Variants in ANKRD24 observed in about 807,000 individuals in gnomAD.
ANKRD24 encodes ankyrin repeat domain 24.
Under a neutral mutation model 127.8 loss-of-function variants are expected in ANKRD24, and 109 were observed. The observed-to-expected ratio is 0.85, with a 90% CI of 0.73 to 1.00. ANKRD24 has a LOEUF of 1.00. Among genes scored for constraint, ANKRD24 ranks in the 50% least tolerant of loss-of-function variants. ANKRD24 has a pLI of 0.00. For synonymous variants in ANKRD24, 743 were observed against 671.1 expected, an observed-to-expected ratio of 1.11 and a Z score of -1.66; for missense variants, 1,648 against 1,570.2, an observed-to-expected ratio of 1.05 and a Z score of -0.84.
At chr19:4,193,764 G>A (rs1458050220) in intron 2 of ANKRD24, among the ~76,000 whole-genome samples, 1 of 148,752 alleles carries the variant, frequency 6.7e-6, no homozygotes, top group Non-Finnish European at 1.5e-5. Flanking sequence ...TTGAAGCCGG[G>A]AGGTGGAGTT....
intron 1 of ANKRD24, chr19:4,183,253 T>A: frequency 1.0e-6 from 1 of 962,214 alleles, no homozygotes; most frequent in Non-Finnish European, 1.2e-6. Context: ...GTGCTGGGAT[T>A]ACAGGCGTGA....
intron 18 of ANKRD24, among the ~76,000 whole-genome samples, chr19:4,218,543 A>T (rs1970263276): frequency 6.6e-6 from 1 of 151,750 alleles, no homozygotes; most frequent in Non-Finnish European, 1.5e-5. Flanking sequence ...CAGGTGATCC[A>T]CCCACCTCAG....
At chr19:4,207,007 G>T (rs1398779659) in intron 7 of ANKRD24, 2 of 566,486 alleles carry the variant, frequency 3.5e-6, no homozygotes, top group African/African-American at 3.8e-5. Context: ...CTGAGCTCAA[G>T]CGGTCCTCCC....
rs1970640148 is a variant in ANKRD24, at chr19:4,224,608, T to C, written c.*103T>C. The C allele has an allele frequency of 5.3e-6, 6 of 1,135,698 alleles. No individual in the cohort carries two copies. Among genetic ancestry groups the C allele is most frequent in the Non-Finnish European group, 7.6e-6 (6 of 784,344 alleles). 70.4% of individuals were successfully genotyped at this position (1,135,698 alleles called of 1,614,324 possible). On this transcript the variant is annotated 3_prime_UTR_variant, in exon 22 of 22. Transcript: ENST00000318934. ...CTTCACTTGGCTTCACTTGGCCCTA[T>C]CCAGGCCCATGCACTTGGAGACCAG... is the stretch of plus-strand genomic sequence containing the variant.
chr19:4,210,346 C>T lies in ANKRD24; in HGVS notation c.1033C>T (p.Gln345Ter), dbSNP rs1342763362. 1.3e-6 allele frequency: 2 copies of T among 1,571,840 alleles called. No individual in the cohort carries two copies. The highest frequency in any genetic ancestry group is 1.2e-5 in the South Asian group (1 of 85,208). ...CCTGCAGAAGATCCGGGGCCTGGAA[C>T]AGCACAAGGAACGGAGGCAGCAGGA... is the stretch of plus-strand genomic sequence containing the variant. Reference protein sequence around the residue: ...RLLQKIRGLEQHKERRQQESP... With the variant: ...RLLQKIRGLE The change falls in exon 13 of 22, where the codon CAG becomes TAG. Residue 345 changes from glutamine (Q) to a stop codon, truncating the protein, a stop_gained. Coordinates refer to ENST00000318934, the MANE Select transcript of ANKRD24 (RefSeq NM_001393985.1). LOFTEE classifies it high-confidence loss of function.
chr19:4,203,648 C>T (rs1241252079), intron 7 of ANKRD24, among the ~76,000 whole-genome samples: 1 of 151,884 alleles, frequency 6.6e-6, no homozygotes, highest in Non-Finnish European at 1.5e-5. Flanking sequence ...CTCACCTAGC[C>T]TCCTCCTTTT....
rs781502550 is a variant in ANKRD24 at position 4,199,791 on chromosome 19, G to A, written c.123+22G>A. 1 of 1,529,022 alleles carries A rather than the reference G, an allele frequency of 6.5e-7. No individual in the cohort carries two copies. The highest frequency in any genetic ancestry group is 8.8e-7 in the Non-Finnish European group (1 of 1,138,788). 94.7% of individuals were successfully genotyped at this position (1,529,022 alleles called of 1,614,324 possible). On this transcript the variant is annotated intron_variant, in intron 3 of 21. Transcript: ENST00000318934. This position sits in a 1 kb window ranked among gnomAD's most constrained non-coding sequence, Gnocchi z 5.2. ...CCAGGCAAGTGCCCAGGGGCAGGTG[G>A]TGAGAGCCCGGAGCCCCTGTCGGGG...
At position 4,217,960 on chromosome 19, in the gene ANKRD24, G is replaced by T; in HGVS notation, c.2800G>T (p.Ala934Ser). 1 of 1,512,070 alleles carries T rather than the reference G, an allele frequency of 6.6e-7. No individual in the cohort carries two copies. Among genetic ancestry groups the T allele is most frequent in the Non-Finnish European group, 8.8e-7 (1 of 1,137,796 alleles). The allele number at this position is 1,512,070 out of a possible 1,614,324, so 93.7% of individuals were successfully genotyped here. The change falls in exon 18 of 22, where the codon GCC becomes TCC. Residue 934 changes from alanine to serine, a missense_variant. By Grantham distance (99) the Ala-to-Ser change is moderately conservative (BLOSUM62 1). Coordinates refer to ENST00000318934, the MANE Select transcript of ANKRD24 (RefSeq NM_001393985.1). Reference protein sequence around the residue: ...EEALELRGRAASLEQEVVATG... With the variant: ...EEALELRGRASSLEQEVVATG... ...GGCCCTGGAGCTGCGGGGCCGGGCAGCCAGTCTGGAGCAGGAGGTGGTGGC... is the reference window on the plus strand; with the variant it reads ...GGCCCTGGAGCTGCGGGGCCGGGCATCCAGTCTGGAGCAGGAGGTGGTGGC...
At chr19:4,203,920 G>C (rs1224469224) in intron 7 of ANKRD24, among the ~76,000 whole-genome samples, 2 of 150,946 alleles carry the variant, frequency 1.3e-5, no homozygotes, top group Non-Finnish European at 2.9e-5. Flanking sequence ...CAAAGTGCTG[G>C]GATTACAGGC....
In ANKRD24 at chr19:4,210,272, G is replaced by A. The variant is rs768524091; in HGVS notation, c.959G>A (p.Arg320Gln). 15 of 1,584,750 alleles carry A rather than the reference G, an allele frequency of 9.5e-6. No individual in the cohort carries two copies. The highest frequency in any genetic ancestry group is 9.4e-6 in the Non-Finnish European group (11 of 1,165,912). ...TGGTGGGGAGGGGAACAGGATGATC[G>A]AGATGCCTATGAGGAGATCGTGAGG... ...PPASIPMPDD[R>Q]DAYEEIVRLR... Residue 320 changes from arginine (R) to glutamine (Q), a missense_variant, in exon 13 of 22, where the codon CGA becomes CAA. Arg to Gln is a conservative substitution (Grantham distance 43). Coordinates refer to ENST00000318934, the MANE Select transcript of ANKRD24 (RefSeq NM_001393985.1).
chr19:4,194,081 G>A (rs951747322), intron 2 of ANKRD24, among the ~76,000 whole-genome samples: 1 of 152,078 alleles, frequency 6.6e-6, no homozygotes, highest in Non-Finnish European at 1.5e-5. Context: ...TATCCTGCAT[G>A]TGGCATCCAA....
chr19:4,219,816 G>T, intron 19 of ANKRD24, 58 bp downstream of exon 19: 1 of 1,508,216 alleles, frequency 6.6e-7, no homozygotes, highest in Non-Finnish European at 8.9e-7. Context: ...AAAGGTTGGG[G>T]CCAATCTACG....
At chr19:4,182,998 T>TGTGTGTGTGTGTGA (rs1491166135) in intron 1 of ANKRD24, among the ~76,000 whole-genome samples, 1 of 151,552 alleles carries the variant, frequency 6.6e-6, no homozygotes, top group Non-Finnish European at 1.5e-5. Flanking sequence ...TGTGTGTGTG[T>TGTGTGTGTGTGTGA]GACGGAGCCT....
Position 4,195,459 on chromosome 19 carries a change from G to A in ANKRD24, c.37-4224G>A, listed in dbSNP as rs551911337. On this transcript the variant is annotated intron_variant, in intron 2 of 21. Coordinates refer to ENST00000318934, the MANE Select transcript of ANKRD24 (RefSeq NM_001393985.1). The surrounding 1 kb of genome is among the most constrained non-coding windows in gnomAD (Gnocchi z 4.2). ...AGCCCTGAGCTGGGAGATCCGTTTC[G>A]GTCTCTTCTCTGGAGAAGCTCAGAG... 5.1e-4 allele frequency among the ~76,000 whole-genome samples: 77 copies of A among 152,178 alleles called. 1 individual carries two copies. The highest frequency in any genetic ancestry group is 6.3e-4 in the Non-Finnish European group (43 of 68,000).
chr19:4,212,942 C>A (rs1424624980), intron 15 of ANKRD24, among the ~76,000 whole-genome samples: 1 of 152,164 alleles, frequency 6.6e-6, no homozygotes, highest in Non-Finnish European at 1.5e-5. Flanking sequence ...ACTGTCCTGG[C>A]CAACATGGTG....
chr19:4,197,939 GA>G (rs1968847052), intron 2 of ANKRD24, among the ~76,000 whole-genome samples: 1 of 152,210 alleles, frequency 6.6e-6, no homozygotes, highest in Non-Finnish European at 1.5e-5. Flanking sequence ...GTGAGTGAAC[GA>G]ATGAATGAAT....
rs1479357848 is a variant in ANKRD24 at position 4,195,008 on chromosome 19, C to T, written c.37-4675C>T. Among the ~76,000 whole-genome samples the T allele has an allele frequency of 6.6e-6, 1 of 152,012 alleles. No individual in the cohort carries two copies. Among genetic ancestry groups the T allele is most frequent in the Non-Finnish European group, 1.5e-5 (1 of 68,006 alleles). ...TTTCAGATGGAGTCTCGCTGTGTCT[C>T]CCAGGCTGGAGTGCAGTGGTGCGAT... On this transcript the variant is annotated intron_variant, in intron 2 of 21. Coordinates refer to ENST00000318934, the MANE Select transcript of ANKRD24 (RefSeq NM_001393985.1). The surrounding 1 kb of genome is among the most constrained non-coding windows in gnomAD (Gnocchi z 4.2).
intron 2 of ANKRD24, among the ~76,000 whole-genome samples, chr19:4,192,410 C>T (rs1418768009): frequency 1.3e-5 from 2 of 149,066 alleles, no homozygotes; most frequent in East Asian, 2.0e-4. Context: ...GAGGTCTTAC[C>T]ACGTTGCCCA....
In ANKRD24 at chr19:4,219,598, G is replaced by A. The variant is rs544161520; in HGVS notation, c.3011G>A (p.Arg1004His). 12 of 1,610,286 alleles carry A rather than the reference G, an allele frequency of 7.5e-6. No individual in the cohort carries two copies. The highest frequency in any genetic ancestry group is 3.3e-5 in the Admixed American group (2 of 59,766). Residue 1004 changes from arginine (R) to histidine (H), a missense_variant, in exon 19 of 22, where the codon CGT becomes CAT. By Grantham distance (29) the Arg-to-His change is conservative (BLOSUM62 0). Transcript: ENST00000318934. ...CGTGGGCTTGGGCCACAGGTGCAGC[G>A]TGAGGCCCTGTTCATGAAGAGTGAG... ...KTSAEVFQVQREALFMKSERH... is the reference protein window; with the variant it reads ...KTSAEVFQVQHEALFMKSERH...
Sources: allele counts gnomAD v4.1 joint callset (sites outside exome capture counted in the v4.1 genomes callset), GRCh38; gene constraint gnomAD v4.1.1; non-coding constraint Gnocchi (gnomAD v3.1); transcripts MANE v1.5; gene names NCBI Gene and HGNC (gene_info 2026-07-23, HGNC 2026-07-21).